Variants in MACROD2 observed in about 807,000 individuals in gnomAD.
MACROD2 encodes the protein ADP-ribose glycohydrolase MACROD2.
MACROD2 carries 36 observed loss-of-function variants against 70.4 expected under a neutral mutation model. The observed-to-expected ratio is 0.51, with a 90% CI of 0.39 to 0.68. The LOEUF (loss-of-function observed/expected upper bound fraction) is 0.68. Among genes scored for constraint, MACROD2 ranks in the 30% least tolerant of loss-of-function variants. MACROD2 has a pLI of 0.00. For synonymous variants in MACROD2, 172 were observed against 178.8 expected (o/e 0.96, Z 0.30); for missense variants, 496 against 538.4 (o/e 0.92, Z 0.78).
At chr20:15,350,184 T>C (rs2078212336) in intron 6 of MACROD2, among the ~76,000 whole-genome samples, 1 of 152,202 alleles carries the variant, frequency 6.6e-6, no homozygotes, top group South Asian at 2.1e-4. Context: ...GCCTTGCTTT[T>C]GGCATTTGTT....
intron 6 of MACROD2, among the ~76,000 whole-genome samples, chr20:15,373,294 T>G (rs529804838): frequency 6.6e-6 from 1 of 152,206 alleles, no homozygotes; most frequent in East Asian, 1.9e-4. Context: ...ATAACCTTGA[T>G]GTCTGGAAGG....
chr20:15,180,660 G>T (rs1337726839), intron 5 of MACROD2, among the ~76,000 whole-genome samples: 2 of 152,030 alleles, frequency 1.3e-5, no homozygotes, highest in Admixed American at 6.6e-5. Context: ...AGCTAGTTTT[G>T]TCCTTACATC....
chr20:16,009,484 C>T (rs550319549), intron 15 of MACROD2, among the ~76,000 whole-genome samples: 5 of 152,316 alleles, frequency 3.3e-5, no homozygotes, highest in South Asian at 2.1e-4. Flanking sequence ...GGGCCAGGCA[C>T]GGTGGCTCAT....
At chr20:14,023,198 G>A (rs2053112621) in intron 2 of MACROD2, among the ~76,000 whole-genome samples, 1 of 152,180 alleles carries the variant, frequency 6.6e-6, no homozygotes, top group Non-Finnish European at 1.5e-5. Context: ...CTGCATAAAT[G>A]TCTTCTTTGG....
At chr20:14,032,245 C>CA (rs1231327249) in intron 2 of MACROD2, among the ~76,000 whole-genome samples, 1 of 151,176 alleles carries the variant, frequency 6.6e-6, no homozygotes, top group Non-Finnish European at 1.5e-5. Flanking sequence ...AGTTTTTTTC[C>CA]AAAATTGCAA....
At chr20:14,847,373 A>G (rs1330840980) in intron 5 of MACROD2, among the ~76,000 whole-genome samples, 1 of 152,138 alleles carries the variant, frequency 6.6e-6, no homozygotes, top group Non-Finnish European at 1.5e-5. Flanking sequence ...AAGTGTATGA[A>G]GAAGTCTTCT....
intron 6 of MACROD2, among the ~76,000 whole-genome samples, chr20:15,357,658 T>A (rs1476659231): frequency 2.0e-5 from 3 of 152,168 alleles, no homozygotes; most frequent in Admixed American, 6.5e-5. Flanking sequence ...TTATCCACGT[T>A]TCTTAGAATG....
chr20:15,368,941 GC>G, intron 6 of MACROD2, among the ~76,000 whole-genome samples: 1 of 152,260 alleles, frequency 6.6e-6, no homozygotes, highest in Middle Eastern at 3.4e-3. Flanking sequence ...ATACGTCATT[GC>G]CTGATGAGTT....
intron 8 of MACROD2, among the ~76,000 whole-genome samples, chr20:15,536,594 A>G (rs1231712393): frequency 6.6e-6 from 1 of 152,206 alleles, no homozygotes; most frequent in Non-Finnish European, 1.5e-5. Flanking sequence ...GCATGTTGAA[A>G]ATCCCATTAT....
chr20:15,450,293 T>C (rs966545783), intron 7 of MACROD2, among the ~76,000 whole-genome samples: 11 of 151,996 alleles, frequency 7.2e-5, no homozygotes, highest in Admixed American at 2.0e-4. Context: ...CTATGTATAT[T>C]GGTTTGAAGA....
intron 6 of MACROD2, among the ~76,000 whole-genome samples, chr20:15,415,384 A>C (rs2046132744): frequency 6.6e-6 from 1 of 152,176 alleles, no homozygotes; most frequent in Non-Finnish European, 1.5e-5. Flanking sequence ...ACATTAAGTG[A>C]TGTTTGTTAC....
At chr20:15,341,146 C>A (rs934726491) in intron 6 of MACROD2, among the ~76,000 whole-genome samples, 5 of 152,096 alleles carry the variant, frequency 3.3e-5, no homozygotes, top group Non-Finnish European at 7.3e-5. Context: ...CTGCAAAAAC[C>A]CTCACATCCA....
chr20:15,380,998 G>A (rs967930554), intron 6 of MACROD2, among the ~76,000 whole-genome samples: 9 of 151,928 alleles, frequency 5.9e-5, no homozygotes, highest in Admixed American at 1.3e-4. Context: ...CAATACCCAC[G>A]TTGGAATTAT....
intron 2 of MACROD2, among the ~76,000 whole-genome samples, chr20:14,052,756 C>T (rs530331600): frequency 6.6e-6 from 1 of 151,842 alleles, no homozygotes; most frequent in African/African-American, 2.4e-5. Context: ...CTAAGAAATT[C>T]TTTTATTTGA....
At chr20:14,765,633 G>A (rs184320678) in intron 5 of MACROD2, among the ~76,000 whole-genome samples, 4 of 152,128 alleles carry the variant, frequency 2.6e-5, no homozygotes, top group Non-Finnish European at 5.9e-5. Context: ...AGGGTTGAAA[G>A]GGACCCTAGG....
chr20:16,029,066 T>G (rs73111739), intron 15 of MACROD2, among the ~76,000 whole-genome samples: 18,835 of 152,226 alleles, frequency 0.12, 1,311 homozygotes, highest in Middle Eastern at 0.19. Context: ...TCCTGTTTCA[T>G]AGACAGCCGT....
At chr20:15,022,542 A>G (rs1568535979) in intron 5 of MACROD2, among the ~76,000 whole-genome samples, 2 of 152,220 alleles carry the variant, frequency 1.3e-5, no homozygotes, top group Non-Finnish European at 2.9e-5. Context: ...ACTTGTATTC[A>G]TGTGACAGTC....
rs780534968 is a variant in MACROD2 at position 14,850,053 on chromosome 20, A to G, written c.418+165094A>G. The G allele has an allele frequency of 1.8e-5, 9 of 487,954 alleles. 1 individual carries two copies. The highest frequency in any genetic ancestry group is 2.0e-5 in the African/African-American group (1 of 50,458). 30.2% of individuals were successfully genotyped at this position (487,954 alleles called of 1,614,324 possible). ...CAGGTTAGGATTGTTACAGATCACA[A>G]TGACTTAATGAAATCTCAATACTTG... is the stretch of plus-strand genomic sequence containing the variant. On this transcript the variant is annotated intron_variant, in intron 5 of 17. Coordinates refer to ENST00000684519, the MANE Select transcript of MACROD2 (RefSeq NM_001351661.2).
chr20:15,943,388 C>T (rs571922285), intron 12 of MACROD2, among the ~76,000 whole-genome samples: 1 of 152,290 alleles, frequency 6.6e-6, no homozygotes, highest in East Asian at 1.9e-4. Context: ...TCTTGGTGTT[C>T]ACCATCCCCC....
Sources: allele counts gnomAD v4.1 joint callset (sites outside exome capture counted in the v4.1 genomes callset), GRCh38; gene constraint gnomAD v4.1.1; transcripts MANE v1.5; gene names NCBI Gene and HGNC (gene_info 2026-07-23, HGNC 2026-07-21).